Variants in HYDIN observed in about 807,000 individuals in gnomAD.
The protein encoded by HYDIN is axonemal central pair apparatus protein HYDIN.
A neutral mutation model predicts 403.9 loss-of-function variants in HYDIN; 132 were observed. The observed-to-expected ratio is 0.33, with a 90% CI of 0.28 to 0.38. The LOEUF is 0.38. Ranked by LOEUF, HYDIN falls within the 10% of genes least tolerant of loss-of-function variation. HYDIN has a pLI of 1.00. For synonymous variants in HYDIN, 1,202 were observed against 1,891.7 expected (o/e 0.64, Z 9.46); for missense variants, 2,827 against 5,009.5 (o/e 0.56, Z 13.15).
chr16:71,033,642 A>AG (rs907678480), intron 18 of HYDIN, among the ~76,000 whole-genome samples: 26 of 150,780 alleles, frequency 1.7e-4, no homozygotes, highest in African/African-American at 5.8e-4. Context: ...GTCGGGGGGC[A>AG]GGGGGGAGAG....
intron 6 of HYDIN, among the ~76,000 whole-genome samples, chr16:71,154,263 A>T (rs549174568): frequency 7.0e-4 from 106 of 151,764 alleles, no homozygotes; most frequent in Middle Eastern, 6.8e-3. Context: ...TTTAAGTTTT[A>T]AAAAAAAATT....
intron 21 of HYDIN, 110 bp from the exon 22 acceptor site, chr16:71,020,427 T>C: frequency 7.1e-7 from 1 of 1,409,928 alleles, no homozygotes; most frequent in South Asian, 1.4e-5. Context: ...TCTTTCTTTT[T>C]CTTTGTGTGT....
chr16:71,182,071 A>G (rs1485961736), intron 3 of HYDIN, among the ~76,000 whole-genome samples: 2 of 152,132 alleles, frequency 1.3e-5, no homozygotes, highest in African/African-American at 2.4e-5. Context: ...AGCAAGTGCA[A>G]AGTCCTTCAG....
intron 28 of HYDIN, among the ~76,000 whole-genome samples, chr16:70,984,625 G>A (rs900160307): frequency 1.1e-4 from 17 of 148,984 alleles, no homozygotes; most frequent in Non-Finnish European, 3.0e-5. Context: ...AGATGATGGT[G>A]CTCATTATCT....
At chr16:71,030,246 C>G (rs1448226381) in intron 19 of HYDIN, among the ~76,000 whole-genome samples, 1 of 151,852 alleles carries the variant, frequency 6.6e-6, no homozygotes, top group East Asian at 1.9e-4. Flanking sequence ...ATAGGGGGGT[C>G]TCCCTATGTT....
intron 78 of HYDIN, among the ~76,000 whole-genome samples, chr16:70,834,980 A>ATATACATATATGTGTG (rs1555539563): frequency 7.8e-6 from 1 of 128,638 alleles, no homozygotes; most frequent in Non-Finnish European, 1.5e-5. Flanking sequence ...ATGTGTGTAT[A>ATATACATATATGTGTG]TATATATATA....
chr16:70,941,434 T>C, intron 43 of HYDIN: 1 of 393,208 alleles, frequency 2.5e-6, no homozygotes, highest in Non-Finnish European at 4.5e-6. Context: ...GGGTACAGTG[T>C]GATGGGAGGG....
Position 71,177,809 on chromosome 16 carries a change from G to T in HYDIN, c.381+1119C>A, listed in dbSNP as rs1361518085. 2.6e-5 allele frequency among the ~76,000 whole-genome samples: 4 copies of T among 152,222 alleles called. No homozygotes were observed. In the South Asian group the frequency reaches 6.2e-4, roughly 24 times the overall value. ...CAAGTATGCTTCATGCTGAACTTCT[G>T]CATTACTTTCTTTCATTATTGTTAA... On this transcript the variant is annotated intron_variant, in intron 4 of 85. Coordinates refer to ENST00000393567, the MANE Select transcript of HYDIN (RefSeq NM_001270974.2).
chr16:71,069,807 C>T (rs570096111), intron 13 of HYDIN, among the ~76,000 whole-genome samples: 15 of 152,324 alleles, frequency 9.8e-5, no homozygotes, highest in African/African-American at 3.4e-4. Context: ...CAGGCCCTTC[C>T]GGGGAGGCAG....
chr16:70,904,671 T>A (rs1389397124), intron 50 of HYDIN, among the ~76,000 whole-genome samples: 1 of 146,826 alleles, frequency 6.8e-6, no homozygotes, highest in Non-Finnish European at 1.5e-5. Flanking sequence ...TGGCTAATTT[T>A]TTGTATTTTT....
chr16:71,222,985 C>G (rs542130594), intron 1 of HYDIN, among the ~76,000 whole-genome samples: 1 of 152,150 alleles, frequency 6.6e-6, no homozygotes, highest in South Asian at 2.1e-4. Flanking sequence ...CTAAAATTCA[C>G]ATGGAACCAA....
At chr16:70,995,664 T>C (rs1597494339) in intron 23 of HYDIN, among the ~76,000 whole-genome samples, 1 of 152,304 alleles carries the variant, frequency 6.6e-6, no homozygotes, top group Middle Eastern at 3.4e-3. Flanking sequence ...TCCATGATCT[T>C]TGCAGATGGG....
intron 1 of HYDIN, among the ~76,000 whole-genome samples, chr16:71,218,043 G>C (rs2088982825): frequency 1.3e-5 from 2 of 151,986 alleles, no homozygotes; most frequent in Non-Finnish European, 2.9e-5. Context: ...TACAAACTCT[G>C]AAATGATTTT....
chr16:71,129,498 A>C, intron 9 of HYDIN, 142 bp downstream of exon 9: 1 of 653,228 alleles, frequency 1.5e-6, no homozygotes, highest in South Asian at 2.0e-5. Context: ...ATAATGTCTC[A>C]CAGTGATGGT....
intron 10 of HYDIN, among the ~76,000 whole-genome samples, chr16:71,107,443 C>T (rs2083657691): frequency 6.7e-6 from 1 of 149,986 alleles, no homozygotes; most frequent in Non-Finnish European, 1.5e-5. Context: ...ATTTAAAATC[C>T]AGCATCTATA....
chr16:71,178,805 C>T, intron 4 of HYDIN, 123 bp downstream of exon 4: 1 of 813,220 alleles, frequency 1.2e-6, no homozygotes, highest in East Asian at 2.6e-5. Flanking sequence ...AAGATGTTTT[C>T]ATACTATTTT....
At chr16:71,225,656 T>C (rs899111699) in intron 1 of HYDIN, among the ~76,000 whole-genome samples, 6 of 152,134 alleles carry the variant, frequency 3.9e-5, no homozygotes, top group Admixed American at 1.3e-4. Context: ...CTAAAGTCTC[T>C]TGGTGCTTAG....
chr16:70,981,956 GTC>G (rs1567946539), intron 28 of HYDIN, among the ~76,000 whole-genome samples: 1 of 151,706 alleles, frequency 6.6e-6, no homozygotes, highest in Non-Finnish European at 1.5e-5. Context: ...GTAAAACCCC[GTC>G]TCTGCTAAAA....
intron 1 of HYDIN, among the ~76,000 whole-genome samples, chr16:71,191,247 T>C (rs1423639425): frequency 1.3e-5 from 2 of 152,174 alleles, no homozygotes; most frequent in Non-Finnish European, 2.9e-5. Context: ...TCAATAAACA[T>C]AAAATAGTTT....
Sources: allele counts gnomAD v4.1 joint callset (sites outside exome capture counted in the v4.1 genomes callset), GRCh38; gene constraint gnomAD v4.1.1; transcripts MANE v1.5; gene names NCBI Gene and HGNC (gene_info 2026-07-23, HGNC 2026-07-21).